Variants in NAV3 observed in about 807,000 individuals in gnomAD.
The protein encoded by NAV3 is neuron navigator 3, also known as pore membrane and/or filament interacting like protein 1.
Under a neutral mutation model 244.7 loss-of-function variants are expected in NAV3, and 87 were observed. The ratio of observed to expected loss-of-function variants is 0.36; its 90% CI spans 0.30 to 0.42. The LOEUF (loss-of-function observed/expected upper bound fraction) is 0.42, where lower values mean the gene tolerates loss of function less well. NAV3 is among the 20% of genes least tolerant of loss of function. NAV3 has a pLI of 1.00. For missense variants in NAV3, 2,663 were observed against 2,893.3 expected (o/e 0.92, Z 1.83); for synonymous variants, 1,126 against 1,042.2 (o/e 1.08, Z -1.55).
chr12:77,969,544 C>T (rs1377940685), intron 5 of NAV3, among the ~76,000 whole-genome samples: 1 of 152,092 alleles, frequency 6.6e-6, no homozygotes, highest in African/African-American at 2.4e-5. Flanking sequence ...CTCAGTTCTG[C>T]TTTTGAAAAG....
At chr12:77,925,253 T>C (rs978474225) in intron 1 of NAV3, among the ~76,000 whole-genome samples, 1 of 152,262 alleles carries the variant, frequency 6.6e-6, no homozygotes, top group African/African-American at 2.4e-5. Context: ...TAGGAATAGG[T>C]TTATAAGAAG....
chr12:77,722,212 T>C (rs1177073798), intron 2 of NAV3, among the ~76,000 whole-genome samples: 2 of 152,044 alleles, frequency 1.3e-5, no homozygotes, highest in Non-Finnish European at 2.9e-5. Context: ...AAAAATGAAT[T>C]CAATCGTGTT....
intron 2 of NAV3, among the ~76,000 whole-genome samples, chr12:77,608,994 T>C (rs997494714): frequency 2.0e-5 from 3 of 152,076 alleles, no homozygotes; most frequent in African/African-American, 7.2e-5. Flanking sequence ...ATAGAAGTGG[T>C]AATCACATTT....
At chr12:77,709,604 C>A (rs555127896) in intron 2 of NAV3, among the ~76,000 whole-genome samples, 10 of 152,276 alleles carry the variant, frequency 6.6e-5, no homozygotes, top group Non-Finnish European at 8.8e-5. Context: ...AGTATAAAAT[C>A]TTTCCTTACA....
chr12:77,735,092 G>A (rs1469409336), intron 2 of NAV3, among the ~76,000 whole-genome samples: 1 of 152,034 alleles, frequency 6.6e-6, no homozygotes, highest in Middle Eastern at 3.2e-3. Flanking sequence ...TATTGTGTTT[G>A]TACAGATATC....
chr12:77,853,981 A>T (rs1230669918), intron 1 of NAV3, among the ~76,000 whole-genome samples: 1 of 152,186 alleles, frequency 6.6e-6, no homozygotes, highest in African/African-American at 2.4e-5. Flanking sequence ...TGACTTTGGG[A>T]AGCAGTCTGT....
chr12:78,032,320 A>T (rs1169124773), intron 9 of NAV3, among the ~76,000 whole-genome samples: 2 of 152,218 alleles, frequency 1.3e-5, no homozygotes, highest in African/African-American at 2.4e-5. Flanking sequence ...CCAATGCAGT[A>T]ACTCACTTGA....
chr12:77,902,469 T>C (rs891469199), intron 1 of NAV3, among the ~76,000 whole-genome samples: 1 of 152,224 alleles, frequency 6.6e-6, no homozygotes, highest in Non-Finnish European at 1.5e-5. Context: ...TCTGCATCTA[T>C]TGAGACAATC....
chr12:78,092,646 C>G (rs1056905627), intron 12 of NAV3, among the ~76,000 whole-genome samples: 3 of 151,636 alleles, frequency 2.0e-5, no homozygotes, highest in African/African-American at 7.3e-5. Flanking sequence ...ACTACAGGCG[C>G]CTGCCACCAT....
chr12:78,163,997 A>T lies in NAV3; in HGVS notation c.4869+4711A>T, dbSNP rs374338965. ...GTCAGAATCAAGGAAATTGCTACTCAAATCATTGTGCAGCTTAATTTTCTC... is the reference window on the plus strand; with the variant it reads ...GTCAGAATCAAGGAAATTGCTACTCTAATCATTGTGCAGCTTAATTTTCTC... On this transcript the variant is annotated intron_variant, in intron 23 of 39. Transcript: ENST00000397909. 2.0e-4 allele frequency among the ~76,000 whole-genome samples: 30 copies of T among 152,188 alleles called. No homozygotes were observed. In the East Asian group the frequency reaches 3.3e-3, roughly 17 times the overall value.
intron 1 of NAV3, among the ~76,000 whole-genome samples, chr12:77,913,541 G>A (rs1403740296): frequency 1.3e-5 from 2 of 151,992 alleles, no homozygotes; most frequent in Non-Finnish European, 1.5e-5. Flanking sequence ...TACTCTAAGA[G>A]TTGCATTACA....
chr12:78,126,355 C>T (rs973354597), intron 16 of NAV3, among the ~76,000 whole-genome samples: 4 of 152,140 alleles, frequency 2.6e-5, no homozygotes, highest in African/African-American at 4.8e-5. Context: ...TATAATTCTG[C>T]AATTTTAATT....
At chr12:77,763,032 A>C (rs1045755045) in intron 2 of NAV3, among the ~76,000 whole-genome samples, 6 of 152,212 alleles carry the variant, frequency 3.9e-5, no homozygotes, top group Non-Finnish European at 8.8e-5. Flanking sequence ...TAGAGCATGA[A>C]CATAGAATAA....
chr12:78,168,301 T>C (rs1393198058), intron 23 of NAV3, among the ~76,000 whole-genome samples: 1 of 151,848 alleles, frequency 6.6e-6, no homozygotes, highest in Non-Finnish European at 1.5e-5. Flanking sequence ...CACAAAATAC[T>C]TCAAACAAAA....
intron 2 of NAV3, among the ~76,000 whole-genome samples, chr12:77,715,712 C>T (rs541647320): frequency 5.4e-4 from 82 of 152,000 alleles, no homozygotes; most frequent in Non-Finnish European, 6.9e-4. Flanking sequence ...TGTGTCATTA[C>T]GAAACAGGCA....
intron 1 of NAV3, among the ~76,000 whole-genome samples, chr12:77,884,285 A>G (rs1883020599): frequency 6.6e-6 from 1 of 152,096 alleles, no homozygotes; most frequent in Non-Finnish European, 1.5e-5. Context: ...ATTGATTGAC[A>G]GATAGATTGA....
intron 2 of NAV3, among the ~76,000 whole-genome samples, chr12:77,791,554 C>T (rs569016627): frequency 4.6e-5 from 7 of 151,980 alleles, no homozygotes; most frequent in Middle Eastern, 3.4e-3. Context: ...CATATAACTC[C>T]CCTGTGGCAT....
rs370648979 is a variant in NAV3, at chr12:77,834,441, C to G, written c.243+2737C>G. On this transcript the variant is annotated intron_variant, in intron 1 of 39. Transcript: ENST00000397909. ...GGAAACATAAATTATCAACAAAATA[C>G]TAAAAATATTTATCTTTTTGCAAAT... Among the ~76,000 whole-genome samples the G allele has an allele frequency of 4.6e-5, 7 of 152,262 alleles. No homozygotes were observed. The East Asian group carries it at 9.6e-4, about 21-fold the overall frequency.
rs2136400627 is a variant in NAV3, at chr12:77,994,795, T to C, written c.672-8T>C. The stretch of plus-strand genomic sequence containing the variant: ...TTTAATTCAATTTCTCTGTTTCTCC[T>C]CATACAGTCTGGCAGCCAGATATGC... On this transcript the variant is annotated splice_polypyrimidine_tract_variant and splice_region_variant and intron_variant, in intron 5 of 39. Transcript: ENST00000397909. The C allele has an allele frequency of 6.2e-7, 1 of 1,606,312 alleles. No individual in the cohort carries two copies.
Sources: allele counts gnomAD v4.1 joint callset (sites outside exome capture counted in the v4.1 genomes callset), GRCh38; gene constraint gnomAD v4.1.1; transcripts MANE v1.5; gene names NCBI Gene and HGNC (gene_info 2026-07-23, HGNC 2026-07-21).